PACS1: variants seen among roughly 807,000 people sequenced by gnomAD.
PACS1 encodes the protein phosphofurin acidic cluster sorting protein 1, also known as PACS-1.
Under a neutral mutation model 115.0 loss-of-function variants are expected in PACS1, and 24 were observed. The ratio of observed to expected loss-of-function variants is 0.21; its 90% CI spans 0.15 to 0.29. The LOEUF is 0.29. PACS1 is among the 10% of genes least tolerant of loss of function. The pLI is 1.00. For missense variants in PACS1, 838 were observed against 1,251.2 expected (o/e 0.67, Z 4.98); for synonymous variants, 453 against 504.5 (o/e 0.90, Z 1.37).
intron 2 of PACS1, among the ~76,000 whole-genome samples, chr11:66,198,857 A>G (rs779748047): frequency 6.6e-6 from 1 of 152,230 alleles, no homozygotes; most frequent in African/African-American, 2.4e-5. Flanking sequence ...AAAACTTTGT[A>G]TGTAAACACA....
At chr11:66,078,306 T>C (rs1175837794) in intron 1 of PACS1, among the ~76,000 whole-genome samples, 1 of 152,218 alleles carries the variant, frequency 6.6e-6, no homozygotes, top group Non-Finnish European at 1.5e-5. Context: ...CGTATAAATA[T>C]AGGTAGATGT....
intron 2 of PACS1, among the ~76,000 whole-genome samples, chr11:66,203,086 T>C (rs891330566): frequency 6.6e-6 from 1 of 152,102 alleles, no homozygotes; most frequent in East Asian, 1.9e-4. Context: ...TGTTTGCAAA[T>C]GATATGCTCT....
rs1363314839 is a variant in PACS1, at chr11:66,233,781, C to G, written c.1839-4C>G. On this transcript the variant is annotated splice_polypyrimidine_tract_variant and splice_region_variant and intron_variant, in intron 15 of 23. Transcript: ENST00000320580. The surrounding 1 kb of genome is among the most constrained non-coding windows in gnomAD (Gnocchi z 4.5). Reference sequence around the variant, plus strand: ...ACTGCTATGACGCTCCCCTTCCTCCCCAGCTGCAACTGCAACTCTTCCATG... The same window carrying G: ...ACTGCTATGACGCTCCCCTTCCTCCGCAGCTGCAACTGCAACTCTTCCATG... 6.2e-7 allele frequency: 1 copy of G among 1,613,252 alleles called. No homozygotes were observed. Among genetic ancestry groups the G allele is most frequent in the East Asian group, 2.2e-5 (1 of 44,874 alleles).
intron 1 of PACS1, among the ~76,000 whole-genome samples, chr11:66,078,839 C>T (rs1198777247): frequency 6.6e-6 from 1 of 152,250 alleles, no homozygotes. Flanking sequence ...TAGGCGTAAG[C>T]CACCGCACCC....
chr11:66,093,769 A>G (rs1193448497), intron 1 of PACS1, among the ~76,000 whole-genome samples: 3 of 151,680 alleles, frequency 2.0e-5, no homozygotes, highest in Non-Finnish European at 4.4e-5. Context: ...CACCACACCT[A>G]TTCCAAAATT....
intron 1 of PACS1, among the ~76,000 whole-genome samples, chr11:66,179,996 C>A (rs1440268657): frequency 6.6e-6 from 1 of 152,086 alleles, no homozygotes; most frequent in Non-Finnish European, 1.5e-5. Context: ...GGATTCACCA[C>A]CACATCTGGC....
intron 21 of PACS1, among the ~76,000 whole-genome samples, chr11:66,240,365 G>A (rs899184882): frequency 1.3e-5 from 2 of 152,172 alleles, no homozygotes; most frequent in Admixed American, 1.3e-4. Context: ...GAGCAGGCGT[G>A]GTCAGCGCTG....
intron 1 of PACS1, among the ~76,000 whole-genome samples, chr11:66,178,573 A>G (rs956610002): frequency 1.3e-5 from 2 of 152,312 alleles, no homozygotes; most frequent in South Asian, 4.1e-4. Flanking sequence ...ATTAAAATTG[A>G]AATAGAAATG....
At chr11:66,229,582 G>A (rs1253742044) in intron 11 of PACS1, among the ~76,000 whole-genome samples, 1 of 151,964 alleles carries the variant, frequency 6.6e-6, no homozygotes, top group African/African-American at 2.4e-5. Flanking sequence ...GGGAGGCTGA[G>A]GCAGGAGAAT....
chr11:66,216,050 C>T (rs1855200223), intron 4 of PACS1, 69 bp from the exon 5 acceptor site: 9 of 1,506,592 alleles, frequency 6.0e-6, no homozygotes, highest in Non-Finnish European at 8.2e-6. Flanking sequence ...GGGTCTTGTG[C>T]ATTCCTTGGC....
intron 1 of PACS1, among the ~76,000 whole-genome samples, chr11:66,081,220 A>G (rs1857471046): frequency 6.6e-6 from 1 of 152,058 alleles, no homozygotes; most frequent in Admixed American, 6.5e-5. Flanking sequence ...GCGACAGATC[A>G]AGACCCTGTC....
At chr11:66,178,197 C>T (rs771382851) in intron 1 of PACS1, among the ~76,000 whole-genome samples, 141 of 150,192 alleles carry the variant, frequency 9.4e-4, no homozygotes, top group Middle Eastern at 6.8e-3. Context: ...ATCAGGAGTT[C>T]CTTGTATGAC....
chr11:66,095,549 C>G (rs1013920997), intron 1 of PACS1, among the ~76,000 whole-genome samples: 2 of 152,200 alleles, frequency 1.3e-5, no homozygotes, highest in Non-Finnish European at 2.9e-5. Context: ...ACTCAATCTC[C>G]TGGATTCAAG....
chr11:66,217,775 C>T (rs1257578456), intron 7 of PACS1: 3 of 355,088 alleles, frequency 8.4e-6, no homozygotes, highest in African/African-American at 6.4e-5. Context: ...ACCTCCATTG[C>T]ACTCTGGAAA....
intron 1 of PACS1, among the ~76,000 whole-genome samples, chr11:66,150,306 A>T (rs1859207673): frequency 6.6e-6 from 1 of 152,216 alleles, no homozygotes; most frequent in Admixed American, 6.5e-5. Context: ...AACAAAACCG[A>T]AACAAAGAGC....
At chr11:66,169,615 C>T (rs1251433489) in intron 1 of PACS1, among the ~76,000 whole-genome samples, 4 of 137,694 alleles carry the variant, frequency 2.9e-5, no homozygotes, top group Non-Finnish European at 1.5e-5. Context: ...GTTTCATTCA[C>T]CATGTTGGCC....
chr11:66,242,616 T>C (rs1477845610), intron 22 of PACS1, among the ~76,000 whole-genome samples: 1 of 152,076 alleles, frequency 6.6e-6, no homozygotes, highest in African/African-American at 2.4e-5. Context: ...ACAGGCTGCC[T>C]AGAACGTTCC....
intron 1 of PACS1, among the ~76,000 whole-genome samples, chr11:66,185,257 T>C (rs113465465): frequency 1.2e-4 from 18 of 152,330 alleles, no homozygotes; most frequent in African/African-American, 4.1e-4. Flanking sequence ...ATAAATGACC[T>C]GTTACTAATA....
At chr11:66,087,675 C>T (rs1469647267) in intron 1 of PACS1, among the ~76,000 whole-genome samples, 1 of 152,182 alleles carries the variant, frequency 6.6e-6, no homozygotes, top group African/African-American at 2.4e-5. Flanking sequence ...AGTTTGTGTA[C>T]AGTCCGCTGT....
Sources: allele counts gnomAD v4.1 joint callset (sites outside exome capture counted in the v4.1 genomes callset), GRCh38; gene constraint gnomAD v4.1.1; non-coding constraint Gnocchi (gnomAD v3.1); transcripts MANE v1.5; gene names NCBI Gene and HGNC (gene_info 2026-07-23, HGNC 2026-07-21).